The following MAP3K13 variants were observed in gnomAD, a reference collection of about 807,000 sequenced individuals.
MAP3K13 encodes the protein mitogen-activated protein kinase kinase kinase 13, also known as leucine zipper-bearing kinase.
In MAP3K13, 52 loss-of-function variants were observed where a neutral mutation model predicts 104.0. The ratio of observed to expected loss-of-function variants is 0.50; its 90% CI spans 0.40 to 0.63. The LOEUF is 0.63. Among genes scored for constraint, MAP3K13 ranks in the 20% least tolerant of loss-of-function variants. The pLI is 0.00. For missense variants in MAP3K13, 914 were observed against 1,218.5 expected, an observed-to-expected ratio of 0.75 and a Z score of 3.72; for synonymous variants, 394 against 442.2, an observed-to-expected ratio of 0.89 and a Z score of 1.37.
intron 2 of MAP3K13, among the ~76,000 whole-genome samples, chr3:185,340,875 C>G (rs1019280245): frequency 1.4e-4 from 22 of 152,068 alleles, no homozygotes; most frequent in Admixed American, 1.4e-3. Context: ...TGAGGCCTCC[C>G]CAGCAATGCG....
chr3:185,455,392 C>G (rs62650464), intron 7 of MAP3K13, among the ~76,000 whole-genome samples: 52,662 of 54,738 alleles, frequency 0.96, 25,360 homozygotes, highest in East Asian at 1. Context: ...ATATATATAT[C>G]ATATATGAGA....
At position 185,444,116 on chromosome 3, in the gene MAP3K13, C is replaced by G. The variant is rs192880062; in HGVS notation, c.851+480C>G. The stretch of plus-strand genomic sequence containing the variant: ...TTGGGAGGCCAAGGTGGGTGGATCA[C>G]TTGAGATCAGGAGTTTGAGACCAGC... On this transcript the variant is annotated intron_variant, in intron 4 of 13. Coordinates refer to ENST00000265026, the MANE Select transcript of MAP3K13 (RefSeq NM_004721.5). Among the ~76,000 whole-genome samples, 15 of 152,264 alleles carry G rather than the reference C, an allele frequency of 9.9e-5. No individual in the cohort carries two copies. In the East Asian group the frequency reaches 2.9e-3, roughly 29 times the overall value.
intron 2 of MAP3K13, chr3:185,292,900 T>C: frequency 1.0e-5 from 10 of 984,442 alleles, no homozygotes; most frequent in Non-Finnish European, 1.1e-5. Flanking sequence ...TAGTGATTTG[T>C]GAAACTTTTT....
At chr3:185,475,119 G>A (rs1014426936) in intron 11 of MAP3K13, among the ~76,000 whole-genome samples, 11 of 145,056 alleles carry the variant, frequency 7.6e-5, no homozygotes, top group Middle Eastern at 3.5e-3. Context: ...AAAAAGCCAC[G>A]CTCTTCCATT....
upstream of MAP3K13, among the ~76,000 whole-genome samples, chr3:185,359,966 A>T (rs538402537): frequency 1.4e-4 from 21 of 151,982 alleles, no homozygotes; most frequent in Non-Finnish European, 2.6e-4. Flanking sequence ...CAAAACAAGA[A>T]TAGCTTATAT....
At chr3:185,324,328 T>C (rs1384353581) in intron 2 of MAP3K13, among the ~76,000 whole-genome samples, 5 of 152,186 alleles carry the variant, frequency 3.3e-5, no homozygotes, top group African/African-American at 1.2e-4. Context: ...GAGTGCCTTT[T>C]TATATATTTA....
intron 2 of MAP3K13, among the ~76,000 whole-genome samples, chr3:185,318,241 C>T (rs1721743953): frequency 6.6e-6 from 1 of 152,140 alleles, no homozygotes; most frequent in East Asian, 1.9e-4. Flanking sequence ...AGACAGAGTA[C>T]AGGCAGGAAG....
intron 7 of MAP3K13, among the ~76,000 whole-genome samples, chr3:185,456,574 T>G (rs2148909011): frequency 6.6e-6 from 1 of 151,280 alleles, no homozygotes; most frequent in Non-Finnish European, 1.5e-5. Flanking sequence ...AAGATATGGT[T>G]GCAATCACAG....
At chr3:185,313,686 A>G (rs1391216032) in intron 2 of MAP3K13, among the ~76,000 whole-genome samples, 1 of 152,172 alleles carries the variant, frequency 6.6e-6, no homozygotes, top group East Asian at 1.9e-4. Flanking sequence ...TGAAAAGTAA[A>G]AATTTTGTAA....
intron 1 of MAP3K13, among the ~76,000 whole-genome samples, chr3:185,407,953 T>C (rs1366154300): frequency 6.7e-6 from 1 of 149,386 alleles, no homozygotes; most frequent in Non-Finnish European, 1.5e-5. Flanking sequence ...CATAGCTCAC[T>C]GTAGCCTTGA....
chr3:185,363,395 T>C (rs184638314), intron 1 of MAP3K13, 27 bp downstream of exon 1: 1 of 953,474 alleles, frequency 1.0e-6, no homozygotes, highest in Admixed American at 6.2e-5. Flanking sequence ...GTTTTTCCTG[T>C]TTCTTCAGTA....
In MAP3K13 at chr3:185,485,394, T is replaced by C. The variant is rs996713457; in HGVS notation, c.*2938T>C. 2 of 152,234 alleles carry C rather than the reference T, an allele frequency of 1.3e-5. No individual in the cohort carries two copies. The highest frequency in any genetic ancestry group is 4.8e-5 in the African/African-American group (2 of 41,460). The allele number at this position is 152,234 out of a possible 1,614,324, so 9.4% of individuals were successfully genotyped here. A position where few individuals can be genotyped will look rare whatever the true frequency, so the allele number is the denominator to read the frequency against. ...CATGGCTTCATTTTCATGGTTTCAG[T>C]TACGCTCAACAGCAGTCCAAAAATA... is the stretch of plus-strand genomic sequence containing the variant. On this transcript the variant is annotated 3_prime_UTR_variant, in exon 14 of 14. Transcript: ENST00000265026.
intron 9 of MAP3K13, 46 bp downstream of exon 9, chr3:185,465,909 A>G: frequency 7.5e-7 from 1 of 1,338,070 alleles, no homozygotes; most frequent in South Asian, 1.2e-5. Flanking sequence ...TGAGTCTGTC[A>G]ATCAGCAGAA....
intron 10 of MAP3K13, among the ~76,000 whole-genome samples, chr3:185,467,203 G>A (rs1325784776): frequency 1.3e-5 from 2 of 152,154 alleles, no homozygotes; most frequent in Non-Finnish European, 2.9e-5. Context: ...AAATAAACTG[G>A]GGGCCAGACA....
At position 185,480,536 on chromosome 3, in the gene MAP3K13, G is replaced by A; in HGVS notation, c.2799+7G>A. On this transcript the variant is annotated splice_region_variant and intron_variant, in intron 13 of 13. Coordinates refer to ENST00000265026, the MANE Select transcript of MAP3K13 (RefSeq NM_004721.5). ...GGAGGAACGTGGCTATGAGGTGGGG[G>A]CTTCTCCCTTCTCCTCCCATCACTG... The A allele has an allele frequency of 6.2e-7, 1 of 1,610,486 alleles. No individual in the cohort carries two copies. The highest frequency in any genetic ancestry group is 8.5e-7 in the Non-Finnish European group (1 of 1,177,600).
intron 12 of MAP3K13, 25 bp downstream of exon 12, chr3:185,477,421 T>C: frequency 1.3e-6 from 2 of 1,575,170 alleles, no homozygotes; most frequent in Non-Finnish European, 1.7e-6. Context: ...TGCACACGAT[T>C]GCTTTTAGTG....
chr3:185,403,319 T>G (rs1409697351), intron 1 of MAP3K13, among the ~76,000 whole-genome samples: 1 of 152,358 alleles, frequency 6.6e-6, no homozygotes, highest in South Asian at 2.1e-4. Context: ...TGGTCTTTTC[T>G]GAATTTCTTC....
At chr3:185,385,328 TTTGTTG>T (rs562304440) in intron 1 of MAP3K13, among the ~76,000 whole-genome samples, 10 of 151,946 alleles carry the variant, frequency 6.6e-5, no homozygotes, top group Admixed American at 6.5e-5. Flanking sequence ...TTTTTGTATT[TTTGTTG>T]TTGTTGTTGT....
At chr3:185,384,152 A>T (rs1055619510) in intron 1 of MAP3K13, among the ~76,000 whole-genome samples, 2 of 151,930 alleles carry the variant, frequency 1.3e-5, no homozygotes, top group Non-Finnish European at 2.9e-5. Flanking sequence ...TACCTCCATG[A>T]GGTCAACTTT....
Sources: gnomAD v4.1 joint callset for allele counts (sites outside exome capture counted in the v4.1 genomes callset) on GRCh38, gnomAD v4.1.1 for gene constraint, MANE v1.5 for transcripts, NCBI Gene and HGNC (gene_info 2026-07-23, HGNC 2026-07-21) for gene names.